Variants in SMARCAL1 observed in about 807,000 individuals in gnomAD.
SMARCAL1 encodes ATP-driven annealing helicase.
In SMARCAL1, 58 loss-of-function variants were observed where a neutral mutation model predicts 94.5. That is an observed-to-expected ratio of 0.61 (90% CI 0.50 to 0.76). SMARCAL1 has a LOEUF of 0.76. Among genes scored for constraint, SMARCAL1 ranks in the 30% least tolerant of loss-of-function variants. The pLI is 0.00. For missense variants in SMARCAL1, 1,051 were observed against 1,177.9 expected (o/e 0.89, Z 1.58); for synonymous variants, 422 against 455.1 (o/e 0.93, Z 0.93).
At chr2:216,415,754 C>T (rs568795188) in intron 3 of SMARCAL1, among the ~76,000 whole-genome samples, 3 of 152,286 alleles carry the variant, frequency 2.0e-5, no homozygotes, top group African/African-American at 4.8e-5. Flanking sequence ...ACTGAGAAGA[C>T]GCTTCCTCTG....
At position 216,482,854 on chromosome 2, in the gene SMARCAL1, A is replaced by G. The variant is rs560540864; in HGVS notation, c.2742A>G (p.Thr914=). The G allele has an allele frequency of 6.2e-7, 1 of 1,614,242 alleles. No individual in the cohort carries two copies. Among genetic ancestry groups the G allele is most frequent in the Admixed American group, 1.7e-5 (1 of 60,034 alleles). The change falls in exon 18 of 18, where the codon ACA becomes ACG. Residue 914 remains threonine, a synonymous_variant. Coordinates refer to ENST00000357276, the MANE Select transcript of SMARCAL1 (RefSeq NM_014140.4). This position sits in a 1 kb window ranked among gnomAD's most constrained non-coding sequence, Gnocchi z 4.3. ...ESFDPGSASG[T]SGSSSQNMGD... ...TTGACCCAGGAAGTGCTTCAGGAAC[A>G]TCTGGAAGTAGTTCCCAGAACATGG...
intron 13 of SMARCAL1, among the ~76,000 whole-genome samples, chr2:216,466,422 G>A (rs925893277): frequency 4.6e-5 from 7 of 152,178 alleles, no homozygotes; most frequent in Admixed American, 4.6e-4. Context: ...CAAACACTGA[G>A]TAAATCTATG....
intron 12 of SMARCAL1, among the ~76,000 whole-genome samples, chr2:216,459,236 TATC>T (rs1187955656): frequency 6.6e-6 from 1 of 152,146 alleles, no homozygotes; most frequent in African/African-American, 2.4e-5. Context: ...GAGGAATCGA[TATC>T]ATGAAAATGG....
At chr2:216,432,547 G>T in intron 7 of SMARCAL1, among the ~76,000 whole-genome samples, 171 bp from the exon 8 acceptor site, 1 of 151,358 alleles carries the variant, frequency 6.6e-6, no homozygotes, top group East Asian at 1.9e-4. Flanking sequence ...TTTTTATTCT[G>T]CTCCCTATTT....
At chr2:216,417,095 A>G (rs1258308220) in intron 4 of SMARCAL1, among the ~76,000 whole-genome samples, 1 of 152,190 alleles carries the variant, frequency 6.6e-6, no homozygotes, top group Non-Finnish European at 1.5e-5. Context: ...AAGAAAGGAA[A>G]AGATAAGGAT....
rs1693575527 is a variant in SMARCAL1, at chr2:216,415,459, T to C, written c.755T>C (p.Ile252Thr). Reference sequence around the variant, plus strand: ...AACGGCGATCGTTTCCAGGTGTTGATTGGGTACAATGCGGAACTCATTGCA... The same window carrying C: ...AACGGCGATCGTTTCCAGGTGTTGACTGGGTACAATGCGGAACTCATTGCA... ...VRNGDRFQVLIGYNAELIAVF... is the reference protein window; with the variant it reads ...VRNGDRFQVLTGYNAELIAVF... Residue 252 changes from isoleucine to threonine, a missense_variant, in exon 3 of 18, where the codon ATT becomes ACT. Transcript: ENST00000357276. 3.7e-6 allele frequency: 6 copies of C among 1,614,034 alleles called. No homozygotes were observed. In the South Asian group the frequency reaches 5.5e-5, roughly 15 times the overall value.
At position 216,464,636 on chromosome 2, in the gene SMARCAL1, A is replaced by G. The variant is rs750088786; in HGVS notation, c.2110A>G (p.Arg704Gly). 2 of 1,613,498 alleles carry G rather than the reference A, an allele frequency of 1.2e-6. No homozygotes were observed. The highest frequency in any genetic ancestry group is 1.7e-5 in the Admixed American group (1 of 60,016). Reference protein sequence around the residue: ...QKDALILFFNRTAEAKIPSVI... With the variant: ...QKDALILFFNGTAEAKIPSVI... ...AGATGCCCTCATTCTCTTCTTCAAC[A>G]GAACAGCTGAAGCTAAAATCCCATC... The change falls in exon 13 of 18, where the codon AGA becomes GGA. Residue 704 changes from arginine (R) to glycine (G), a missense_variant. By Grantham distance (125) the Arg-to-Gly change is moderately radical. Around this residue, in one of 3 missense-constraint regions of SMARCAL1, gnomAD observed 642 missense variants for 754.7 expected, o/e 0.85. Transcript: ENST00000357276.
At chr2:216,443,756 T>C (rs1015229383) in intron 10 of SMARCAL1, among the ~76,000 whole-genome samples, 1 of 152,204 alleles carries the variant, frequency 6.6e-6, no homozygotes, top group Admixed American at 6.5e-5. Flanking sequence ...GAGTGGTAGG[T>C]GGCCTTCTGC....
chr2:216,416,336 G>T, intron 4 of SMARCAL1, 29 bp downstream of exon 4: 7 of 1,582,026 alleles, frequency 4.4e-6, no homozygotes, highest in Non-Finnish European at 6.1e-6. Flanking sequence ...GTCTCATGGA[G>T]GGTGGCACTG....
chr2:216,434,151 T>G (rs911720129), intron 8 of SMARCAL1, among the ~76,000 whole-genome samples: 1 of 152,028 alleles, frequency 6.6e-6, no homozygotes, highest in Non-Finnish European at 1.5e-5. Flanking sequence ...TCAGAACATA[T>G]TTTGTGTGCG....
intron 12 of SMARCAL1, among the ~76,000 whole-genome samples, chr2:216,456,763 A>G (rs1468135764): frequency 2.0e-5 from 3 of 152,240 alleles, no homozygotes; most frequent in African/African-American, 4.8e-5. Context: ...AAGACCATCA[A>G]TGCTAGGAAG....
intron 10 of SMARCAL1, among the ~76,000 whole-genome samples, chr2:216,440,570 G>A (rs889471521): frequency 3.5e-4 from 54 of 152,196 alleles, no homozygotes; most frequent in African/African-American, 1.2e-3. Context: ...CATGAACATG[G>A]CCTGTGTTTA....
In SMARCAL1 at chr2:216,414,928, A is replaced by T; in HGVS notation, c.224A>T (p.Asn75Ile). 1 of 1,614,150 alleles carries T rather than the reference A, an allele frequency of 6.2e-7. No homozygotes were observed. The highest frequency in any genetic ancestry group is 8.5e-7 in the Non-Finnish European group (1 of 1,180,018). Residue 75 changes from asparagine to isoleucine, a missense_variant, in exon 3 of 18, where the codon AAT becomes ATT. Transcript: ENST00000357276. ...CATGGTGTCATTTTCAAGCAACAGA[A>T]TCTCAGTAGCTCATCTAATGCTGAC... ...VSHGVIFKQQ[N>I]LSSSSNADQR...
intron 10 of SMARCAL1, among the ~76,000 whole-genome samples, chr2:216,443,005 C>A (rs1432704168): frequency 1.3e-5 from 2 of 152,126 alleles, no homozygotes; most frequent in Non-Finnish European, 2.9e-5. Context: ...TCCTCACTTT[C>A]ATTACATAAT....
At chr2:216,449,853 TTTGAGACAGAGTCTTGCTCTGTTG>T (rs1359305855) in intron 11 of SMARCAL1, among the ~76,000 whole-genome samples, 1 of 152,034 alleles carries the variant, frequency 6.6e-6, no homozygotes, top group African/African-American at 2.4e-5. Flanking sequence ...TCTTTTTTTT[TTTGAGACAGAGTCTTGCTCTGTTG>T]CCCAGGTTGG....
At chr2:216,476,654 C>G (rs1452976215) in intron 15 of SMARCAL1, among the ~76,000 whole-genome samples, 1 of 152,214 alleles carries the variant, frequency 6.6e-6, no homozygotes, top group Non-Finnish European at 1.5e-5. Flanking sequence ...ATTAAACCAC[C>G]ACCCTATGCC....
intron 14 of SMARCAL1, among the ~76,000 whole-genome samples, chr2:216,472,785 T>A (rs201573487): frequency 0.055 from 2,254 of 40,980 alleles, 64 homozygotes; most frequent in African/African-American, 0.16. Context: ...AAAAATAAAA[T>A]TTTTTTTTTT....
chr2:216,456,251 A>G (rs1474496952), intron 12 of SMARCAL1, among the ~76,000 whole-genome samples: 1 of 152,222 alleles, frequency 6.6e-6, no homozygotes, highest in East Asian at 1.9e-4. Flanking sequence ...GGAGAATGGA[A>G]CCAAGTTGGA....
Position 216,467,988 on chromosome 2 carries a change from T to C in SMARCAL1, c.2186T>C (p.Leu729Ser), listed in dbSNP as rs1694866560. Residue 729 changes from leucine to serine, a missense_variant, in exon 14 of 18, where the codon TTA becomes TCA. Around this residue, in one of 3 missense-constraint regions of SMARCAL1, gnomAD observed 642 missense variants for 754.7 expected, o/e 0.85. Transcript: ENST00000357276. ...DLLESGREKF[L>S]VFAHHKVVLD... Reference sequence around the variant, plus strand: ...CTGGAAAGTGGAAGAGAGAAGTTTTTAGTATTTGCACACCATAAGGTGGTC... The same window carrying C: ...CTGGAAAGTGGAAGAGAGAAGTTTTCAGTATTTGCACACCATAAGGTGGTC... The C allele has an allele frequency of 6.2e-7, 1 of 1,613,968 alleles. No individual in the cohort carries two copies. The highest frequency in any genetic ancestry group is 8.5e-7 in the Non-Finnish European group (1 of 1,179,840).
Sources: gnomAD v4.1 joint callset for allele counts (sites outside exome capture counted in the v4.1 genomes callset) on GRCh38, gnomAD v4.1.1 for gene constraint, gnomAD v4.1.1 regional missense constraint, Gnocchi (gnomAD v3.1) non-coding constraint, MANE v1.5 for transcripts, NCBI Gene and HGNC (gene_info 2026-07-23, HGNC 2026-07-21) for gene names.